The following ACTG2 variants were observed in gnomAD, a reference collection of about 807,000 sequenced individuals.
ACTG2 encodes actin gamma 2, smooth muscle.
Under a neutral mutation model 37.6 loss-of-function variants are expected in ACTG2, and 16 were observed. The ratio of observed to expected loss-of-function variants is 0.43; its 90% confidence interval spans 0.29 to 0.65. The LOEUF (loss-of-function observed/expected upper bound fraction) is 0.65. Ranked by LOEUF, ACTG2 falls within the 30% of genes least tolerant of loss-of-function variation. The pLI is 0.18. For synonymous variants in ACTG2, 181 were observed against 179.9 expected (o/e 1.01, Z -0.05); for missense variants, 238 against 490.9 (o/e 0.48, Z 4.87).
chr2:73,916,486 G>T lies in ACTG2; in HGVS notation c.806-98G>T, dbSNP rs149051673. The T allele has an allele frequency of 1.0e-5, 11 of 1,061,780 alleles. No homozygotes were observed. The Admixed American group carries it at 2.0e-4, about 20-fold the overall frequency. The allele number at this position is 1,061,780 out of a possible 1,614,324, so 65.8% of individuals were successfully genotyped here. ...TGGGAGATATTAAGGTTCTGAACTAGGGTAGTTGCAACAATCGAAGAAGGG... is the reference window on the plus strand; with the variant it reads ...TGGGAGATATTAAGGTTCTGAACTATGGTAGTTGCAACAATCGAAGAAGGG... On this transcript the variant is annotated intron_variant, in intron 7 of 8. Transcript: ENST00000345517.
chr2:73,919,273 G>A (rs1680331011), intron 8 of ACTG2, among the ~76,000 whole-genome samples, 159 bp from the exon 9 acceptor site: 1 of 152,204 alleles, frequency 6.6e-6, no homozygotes, highest in Non-Finnish European at 1.5e-5. Flanking sequence ...GGGAAGAGGG[G>A]GGAAGTGAAG....
rs185532732 is a variant in ACTG2, at chr2:73,907,185, G to C, written c.256-1488G>C. The stretch of plus-strand genomic sequence containing the variant: ...GTGGCTTGTGTTTTTCTTTTTGTTT[G>C]TTTTGGTCTTTTTTAAACGTCTCTC... On this transcript the variant is annotated intron_variant, in intron 3 of 8. Transcript: ENST00000345517. Among the ~76,000 whole-genome samples, 119 of 152,182 alleles carry C rather than the reference G, an allele frequency of 7.8e-4. No homozygotes were observed. In the Middle Eastern group the frequency reaches 0.01, roughly 13 times the overall value.
intron 3 of ACTG2, chr2:73,908,157 A>T (rs998364223): frequency 7.4e-6 from 3 of 408,034 alleles, no homozygotes; most frequent in Non-Finnish European, 1.5e-5. Flanking sequence ...TCAGGTGACG[A>T]GGGCAGTGTC....
At position 73,908,044 on chromosome 2, in the gene ACTG2, G is replaced by A. The variant is rs1680050039; in HGVS notation, c.256-629G>A. Among the ~76,000 whole-genome samples, 6 of 152,350 alleles carry A rather than the reference G, an allele frequency of 3.9e-5. 1 individual carries two copies. The South Asian group carries it at 1.2e-3, about 32-fold the overall frequency. On this transcript the variant is annotated intron_variant, in intron 3 of 8. Coordinates refer to ENST00000345517, the MANE Select transcript of ACTG2 (RefSeq NM_001615.4). ...GGGTTTTACAACTGGTTAAATGAAT[G>A]TCCTACAGAAATGTGCATAGGGTTA...
In ACTG2 at chr2:73,901,271, C is replaced by A; in HGVS notation, c.-36-5C>A. On this transcript the variant is annotated splice_region_variant and splice_polypyrimidine_tract_variant and intron_variant, in intron 1 of 8. Coordinates refer to ENST00000345517, the MANE Select transcript of ACTG2 (RefSeq NM_001615.4). ...GACTAGTTCTCTTCTCCCGCAAATC[C>A]CAAGGTGCTCCAGTCCCCAGCTCAC... The A allele has an allele frequency of 6.6e-7, 1 of 1,513,736 alleles. No individual in the cohort carries two copies. Among genetic ancestry groups the A allele is most frequent in the Non-Finnish European group, 8.9e-7 (1 of 1,125,270 alleles). The allele number at this position is 1,513,736 out of a possible 1,614,324, so 93.8% of individuals were successfully genotyped here. A position where few individuals can be genotyped will look rare whatever the true frequency, so the allele number is the denominator to read the frequency against.
At chr2:73,902,041 C>CTGTG (rs34360898) in intron 2 of ACTG2, among the ~76,000 whole-genome samples, 3,991 of 131,318 alleles carry the variant, frequency 0.03, 64 homozygotes, top group African/African-American at 0.054. Flanking sequence ...GTGTGTGTGT[C>CTGTG]TGTGTGTGTG....
At chr2:73,906,346 GA>G (rs1680014758) in intron 3 of ACTG2, among the ~76,000 whole-genome samples, 1 of 151,956 alleles carries the variant, frequency 6.6e-6, no homozygotes, top group Non-Finnish European at 1.5e-5. Context: ...AGCTACTCGG[GA>G]GGCTGACGCA....
chr2:73,905,434 A>C (rs1175383341), intron 3 of ACTG2, among the ~76,000 whole-genome samples: 1 of 152,182 alleles, frequency 6.6e-6, no homozygotes, highest in Non-Finnish European at 1.5e-5. Context: ...TAATATGAAC[A>C]GTTAATGCAA....
chr2:73,910,428 G>A lies in ACTG2; in HGVS notation c.451+1289G>A, dbSNP rs185542589. On this transcript the variant is annotated intron_variant, in intron 5 of 8. Transcript: ENST00000345517. Reference sequence around the variant, plus strand: ...TGTCACCAGGCTGGAGTGCAGTAGCGTGATCTCGGCTCATTGCAACCTCTG... The same window carrying A: ...TGTCACCAGGCTGGAGTGCAGTAGCATGATCTCGGCTCATTGCAACCTCTG... Among the ~76,000 whole-genome samples the A allele has an allele frequency of 3.4e-3, 404 of 117,606 alleles. 7 individuals carry two copies. The highest frequency in any genetic ancestry group is 0.013 in the African/African-American group (383 of 30,500). The allele number at this position is 117,606 out of a possible 152,430, so 77.2% of individuals were successfully genotyped here.
chr2:73,916,202 C>A (rs1452247448), intron 7 of ACTG2, among the ~76,000 whole-genome samples: 1 of 151,826 alleles, frequency 6.6e-6, no homozygotes, highest in African/African-American at 2.4e-5. Flanking sequence ...ATGGTGAAAC[C>A]CCATCTCTAC....
At chr2:73,894,096 C>T (rs189330477) in intron 1 of ACTG2, among the ~76,000 whole-genome samples, 43 of 152,272 alleles carry the variant, frequency 2.8e-4, no homozygotes, top group Non-Finnish European at 5.3e-4. Context: ...TGTCAGGGCC[C>T]GGCCCTGAGT....
At chr2:73,893,244 C>G (rs1679667643) in intron 1 of ACTG2, among the ~76,000 whole-genome samples, 193 bp downstream of exon 1, 1 of 152,204 alleles carries the variant, frequency 6.6e-6, no homozygotes, top group South Asian at 2.1e-4. Flanking sequence ...CATGGGACAT[C>G]CTGGGGCAGG....
chr2:73,907,613 C>G (rs1818992), intron 3 of ACTG2, among the ~76,000 whole-genome samples: 24 of 152,170 alleles, frequency 1.6e-4, no homozygotes, highest in Non-Finnish European at 4.4e-5. Context: ...TCCTGAGTAG[C>G]TGAGATTACA....
At chr2:73,895,272 A>C (rs777762635) in intron 1 of ACTG2, among the ~76,000 whole-genome samples, 3 of 152,160 alleles carry the variant, frequency 2.0e-5, no homozygotes, top group Non-Finnish European at 4.4e-5. Context: ...GAGCAGAGCC[A>C]GGGGAGTGAA....
chr2:73,916,104 G>A (rs1445635632), intron 7 of ACTG2, among the ~76,000 whole-genome samples: 1 of 152,152 alleles, frequency 6.6e-6, no homozygotes, highest in Non-Finnish European at 1.5e-5. Context: ...CAGGCCGGGT[G>A]TAATACCTCG....
rs1169417846 is a variant in ACTG2 at position 73,919,464 on chromosome 2, C to T, written c.1020C>T (p.Val340=). The change falls in exon 9 of 9, where the codon GTC becomes GTT. Residue 340 remains valine (V), a synonymous_variant. Transcript: ENST00000345517. ...CTCCCCCAGAGCGGAAGTACTCAGT[C>T]TGGATCGGGGGCTCTATCCTGGCCT... ...IIAPPERKYS[V]WIGGSILASL... is the part of the protein sequence containing the mutation. The T allele has an allele frequency of 1.2e-6, 2 of 1,614,048 alleles. No individual in the cohort carries two copies. Among genetic ancestry groups the T allele is most frequent in the Admixed American group, 1.7e-5 (1 of 60,022 alleles).
At chr2:73,902,645 C>T in intron 3 of ACTG2, 157 bp downstream of exon 3, 1 of 1,552,202 alleles carries the variant, frequency 6.4e-7, no homozygotes, top group Non-Finnish European at 8.7e-7. Flanking sequence ...TTTCTCCAAC[C>T]TAGGCTGCCA....
At chr2:73,911,202 A>G (rs1413568942) in intron 5 of ACTG2, among the ~76,000 whole-genome samples, 1 of 152,200 alleles carries the variant, frequency 6.6e-6, no homozygotes, top group Non-Finnish European at 1.5e-5. Context: ...GATTAAAAAC[A>G]TAGTATAAGA....
intron 1 of ACTG2, among the ~76,000 whole-genome samples, chr2:73,900,754 A>T (rs367891233): frequency 5.3e-5 from 8 of 152,336 alleles, no homozygotes; most frequent in African/African-American, 9.6e-5. Context: ...TATAGATATA[A>T]CCCAGCACTT....
Sources: allele counts gnomAD v4.1 joint callset (sites outside exome capture counted in the v4.1 genomes callset), GRCh38; gene constraint gnomAD v4.1.1; transcripts MANE v1.5; gene names NCBI Gene and HGNC (gene_info 2026-07-23, HGNC 2026-07-21).